MOB3B: variants seen among roughly 807,000 people sequenced by gnomAD.
MOB3B encodes the protein MOB kinase activator 3B, also known as MOB kinase activator-like 2B.
In MOB3B, 7 loss-of-function variants were observed where a neutral mutation model predicts 18.7. The ratio of observed to expected loss-of-function variants is 0.37; its 90% CI spans 0.21 to 0.70. MOB3B has a LOEUF of 0.70. MOB3B is among the 30% of genes least tolerant of loss of function. The pLI is 0.52. For synonymous variants in MOB3B, 111 were observed against 99.9 expected (o/e 1.11, Z -0.66); for missense variants, 253 against 281.3 (o/e 0.90, Z 0.72).
At chr9:27,346,730 C>T (rs1821035326) in intron 3 of MOB3B, among the ~76,000 whole-genome samples, 2 of 152,306 alleles carry the variant, frequency 1.3e-5, no homozygotes, top group South Asian at 4.1e-4. Context: ...TGCGGTGGCT[C>T]ATGCCTATAA....
At chr9:27,494,044 C>G (rs573787020) in intron 1 of MOB3B, among the ~76,000 whole-genome samples, 1 of 152,316 alleles carries the variant, frequency 6.6e-6, no homozygotes, top group East Asian at 1.9e-4. Context: ...ACAGCCCCCA[C>G]CCAGGTGCAC....
intron 2 of MOB3B, among the ~76,000 whole-genome samples, chr9:27,398,572 G>A (rs1367627759): frequency 1.3e-5 from 2 of 152,066 alleles, no homozygotes; most frequent in Non-Finnish European, 2.9e-5. Flanking sequence ...TCTCAAACCA[G>A]GATCACTACA....
At chr9:27,454,291 A>G (rs1822836323) in intron 2 of MOB3B, among the ~76,000 whole-genome samples, 1 of 152,226 alleles carries the variant, frequency 6.6e-6, no homozygotes, top group African/African-American at 2.4e-5. Context: ...TTCTAATAGC[A>G]CAAGTATTTA....
intron 1 of MOB3B, among the ~76,000 whole-genome samples, chr9:27,527,282 T>C (rs990493894): frequency 9.9e-5 from 15 of 152,250 alleles, no homozygotes; most frequent in East Asian, 3.8e-4. Context: ...TTGCTGCTGC[T>C]AAATTTCAAA....
intron 2 of MOB3B, among the ~76,000 whole-genome samples, chr9:27,443,673 T>C (rs1356364763): frequency 1.3e-5 from 2 of 152,220 alleles, no homozygotes; most frequent in African/African-American, 2.4e-5. Context: ...CCCTGGACCG[T>C]CTTCTATTCT....
At chr9:27,455,026 A>G in intron 2 of MOB3B, 107 bp downstream of exon 2, 1 of 1,180,398 alleles carries the variant, frequency 8.5e-7, no homozygotes, top group Non-Finnish European at 1.2e-6. Context: ...TATGTGAGTG[A>G]TGGGATTAAT....
intron 3 of MOB3B, among the ~76,000 whole-genome samples, chr9:27,349,597 T>C (rs1256617876): frequency 6.6e-6 from 1 of 152,198 alleles, no homozygotes; most frequent in African/African-American, 2.4e-5. Flanking sequence ...TAATCCCTGC[T>C]GTGACTGACA....
intron 3 of MOB3B, among the ~76,000 whole-genome samples, chr9:27,332,233 T>G (rs1388739049): frequency 6.6e-6 from 1 of 152,142 alleles, no homozygotes; most frequent in African/African-American, 2.4e-5. Flanking sequence ...GCTCAAGCAT[T>G]ACCCATCTTG....
intron 3 of MOB3B, among the ~76,000 whole-genome samples, chr9:27,345,858 T>C (rs1227329406): frequency 6.6e-6 from 1 of 152,224 alleles, no homozygotes; most frequent in Admixed American, 6.5e-5. Flanking sequence ...CTCGTGGAGC[T>C]GGAGGCCCTT....
chr9:27,388,142 A>G (rs1587174270), intron 2 of MOB3B, among the ~76,000 whole-genome samples: 2 of 152,244 alleles, frequency 1.3e-5, no homozygotes, highest in Admixed American at 1.3e-4. Context: ...GTGTTAGGAT[A>G]AACCTTGGAA....
At chr9:27,441,141 C>G (rs1395984767) in intron 2 of MOB3B, among the ~76,000 whole-genome samples, 2 of 152,196 alleles carry the variant, frequency 1.3e-5, no homozygotes, top group African/African-American at 4.8e-5. Context: ...CGGCCTGATT[C>G]ATGACTTCCA....
chr9:27,374,885 T>C (rs1821470084), intron 2 of MOB3B, among the ~76,000 whole-genome samples: 1 of 152,222 alleles, frequency 6.6e-6, no homozygotes, highest in Admixed American at 6.5e-5. Flanking sequence ...TTTATTTATA[T>C]TGCCAGCTGG....
chr9:27,357,148 G>GTATATATATA (rs1554645173), intron 3 of MOB3B, among the ~76,000 whole-genome samples: 1 of 69,208 alleles, frequency 1.4e-5, no homozygotes, highest in Non-Finnish European at 2.9e-5. Flanking sequence ...ATATATATGT[G>GTATATATATA]TTTTTTTTTT....
intron 2 of MOB3B, among the ~76,000 whole-genome samples, chr9:27,369,660 C>T (rs970392283): frequency 6.6e-6 from 1 of 152,208 alleles, no homozygotes. Flanking sequence ...CTGGATTCTC[C>T]CAACTTGCAT....
At chr9:27,411,916 A>G (rs1159268765) in intron 2 of MOB3B, among the ~76,000 whole-genome samples, 5 of 152,212 alleles carry the variant, frequency 3.3e-5, no homozygotes, top group Admixed American at 3.3e-4. Flanking sequence ...AATAGGGGAA[A>G]TTGTGGGAGG....
chr9:27,488,271 C>T (rs1819760543), intron 1 of MOB3B, among the ~76,000 whole-genome samples: 2 of 152,202 alleles, frequency 1.3e-5, no homozygotes, highest in Non-Finnish European at 1.5e-5. Flanking sequence ...GTAGTAGCAG[C>T]AAGGGTAACG....
chr9:27,370,616 C>G (rs1821403168), intron 2 of MOB3B, among the ~76,000 whole-genome samples: 1 of 152,084 alleles, frequency 6.6e-6, no homozygotes, highest in Non-Finnish European at 1.5e-5. Context: ...AGACACTGAA[C>G]CCACCAGACA....
intron 1 of MOB3B, among the ~76,000 whole-genome samples, chr9:27,491,641 G>A (rs1016701255): frequency 2.6e-5 from 4 of 152,270 alleles, no homozygotes; most frequent in South Asian, 2.1e-4. Flanking sequence ...TTGGGAGGCC[G>A]AGCAGGCAGA....
chr9:27,444,273 AG>A, intron 2 of MOB3B, among the ~76,000 whole-genome samples: 3 of 114,418 alleles, frequency 2.6e-5, no homozygotes, highest in East Asian at 6.0e-4. Flanking sequence ...GGAAGGAGGG[AG>A]GGAGGGAGGG....
Sources: gnomAD v4.1 joint callset for allele counts (sites outside exome capture counted in the v4.1 genomes callset) on GRCh38, gnomAD v4.1.1 for gene constraint, MANE v1.5 for transcripts, NCBI Gene and HGNC (gene_info 2026-07-23, HGNC 2026-07-21) for gene names.